Variants in CCNL2 observed in about 807,000 individuals in gnomAD.
The protein encoded by CCNL2 is cyclin L2.
A neutral mutation model predicts 59.1 loss-of-function variants in CCNL2; 28 were observed. The ratio of observed to expected loss-of-function variants is 0.47; its 90% CI spans 0.35 to 0.65. The LOEUF (loss-of-function observed/expected upper bound fraction) is 0.65. Ranked by LOEUF, CCNL2 falls within the 30% of genes least tolerant of loss-of-function variation. The pLI, the probability that CCNL2 is intolerant of heterozygous loss-of-function variation, is 0.00. For missense variants in CCNL2, 714 were observed against 717.4 expected, an observed-to-expected ratio of 1.00 and a Z score of 0.05; for synonymous variants, 342 against 288.6, an observed-to-expected ratio of 1.19 and a Z score of -1.88.
At chr1:1,388,818 G>A (rs374812307) in intron 8 of CCNL2, 56 of 381,696 alleles carry the variant, frequency 1.5e-4, no homozygotes, top group East Asian at 1.1e-3. Flanking sequence ...GCTCCCACCT[G>A]TAATCCCAGC....
At chr1:1,393,161 G>T in intron 5 of CCNL2, 1 of 589,302 alleles carries the variant, frequency 1.7e-6, no homozygotes, top group Non-Finnish European at 3.0e-6. Flanking sequence ...GCTCTCTTCA[G>T]GGTGGGGGAC....
At position 1,394,745 on chromosome 1, in the gene CCNL2, G is replaced by A. The variant is rs1420249247; in HGVS notation, c.594+649C>T. Among the ~76,000 whole-genome samples, 11 of 110,736 alleles carry A rather than the reference G, an allele frequency of 9.9e-5. No individual in the cohort carries two copies. The Admixed American group carries it at 1.1e-3, about 11-fold the overall frequency. The allele number at this position is 110,736 out of a possible 152,430, so 72.6% of individuals were successfully genotyped here. On this transcript the variant is annotated intron_variant, in intron 4 of 10. Coordinates refer to ENST00000400809, the MANE Select transcript of CCNL2 (RefSeq NM_030937.6). ...AGCCTGCATGACAGAGTAAGACTCC[G>A]TCTCAAGAAAAAAAAAAAAAAAAAA... is the stretch of plus-strand genomic sequence containing the variant.
rs145603397 is a variant in CCNL2, at chr1:1,390,327, G to A, written c.909C>T (p.His303=). 90 of 1,613,780 alleles carry A rather than the reference G, an allele frequency of 5.6e-5. No homozygotes were observed. Among genetic ancestry groups the A allele is most frequent in the Middle Eastern group, 3.3e-4 (2 of 6,084 alleles). The part of the protein sequence containing the change: ...HLEGEVEKRK[H]AIEEAKAQAR... ...CTTGGGCCTTTGCCTCTTCGATAGCGTGCTTTCTTTTTTCCACTTCACCCT... is the reference window on the plus strand; with the variant it reads ...CTTGGGCCTTTGCCTCTTCGATAGCATGCTTTCTTTTTTCCACTTCACCCT... Residue 303 remains histidine (H), a synonymous_variant, in exon 8 of 11, where the codon CAC becomes CAT. Coordinates refer to ENST00000400809, the MANE Select transcript of CCNL2 (RefSeq NM_030937.6).
At chr1:1,388,555 G>A (rs1644584768) in intron 8 of CCNL2, 2 of 393,300 alleles carry the variant, frequency 5.1e-6, no homozygotes, top group South Asian at 3.3e-5. Context: ...CCCAAAACAT[G>A]TGAGTGTGTG....
intron 8 of CCNL2, 145 bp from the exon 9 acceptor site, chr1:1,388,210 A>C: frequency 1.5e-6 from 1 of 647,292 alleles, no homozygotes; most frequent in Non-Finnish European, 2.7e-6. Flanking sequence ...GGGACCCAGA[A>C]CTTACACAGA....
At chr1:1,388,181 T>A in intron 8 of CCNL2, 116 bp from the exon 9 acceptor site, 1 of 770,810 alleles carries the variant, frequency 1.3e-6, no homozygotes, top group Non-Finnish European at 2.2e-6. Flanking sequence ...AAGCAGACTG[T>A]AACTTCCGGC....
In CCNL2 at chr1:1,387,278, G is replaced by A. The variant is rs767510815; in HGVS notation, c.1516C>T (p.Arg506Cys). The A allele has an allele frequency of 1.1e-5, 17 of 1,612,066 alleles. No homozygotes were observed. Among genetic ancestry groups the A allele is most frequent in the African/African-American group, 5.3e-5 (4 of 74,942 alleles). ...ERSRSYERTG[R>C]RYERDHPGHS... ...CCAGGGTGGTCCCGCTCATAGCGAC[G>A]GCCTGTGCGTTCATACGACCTCGAG... is the stretch of plus-strand genomic sequence containing the variant. The change falls in exon 11 of 11, where the codon CGT becomes TGT. Residue 506 changes from arginine to cysteine, a missense_variant. This residue lies in a region of CCNL2 where 403 missense variants were observed against 377.7 expected (regional missense o/e 1.07). Coordinates refer to ENST00000400809, the MANE Select transcript of CCNL2 (RefSeq NM_030937.6).
intron 3 of CCNL2, among the ~76,000 whole-genome samples, 178 bp from the exon 4 acceptor site, chr1:1,395,692 C>T (rs1278081042): frequency 6.6e-6 from 1 of 152,176 alleles, no homozygotes; most frequent in East Asian, 1.9e-4. Context: ...CAGTGCCAAC[C>T]TCCTCATCCC....
At chr1:1,392,710 C>T (rs1569947239) in intron 5 of CCNL2, 1 of 1,586,440 alleles carries the variant, frequency 6.3e-7, no homozygotes, top group South Asian at 1.1e-5. Context: ...CGGTGGAGAG[C>T]CTGCACTGGA....
intron 5 of CCNL2, 75 bp downstream of exon 5, chr1:1,393,321 C>A: frequency 1.6e-6 from 2 of 1,259,652 alleles, no homozygotes; most frequent in Non-Finnish European, 2.3e-6. Context: ...TGCCTACCCA[C>A]TGCCCAAGTG....
chr1:1,399,248 G>C lies in CCNL2; in HGVS notation c.59C>G (p.Ala20Gly). 6.3e-7 allele frequency: 1 copy of C among 1,586,978 alleles called. No homozygotes were observed. The highest frequency in any genetic ancestry group is 8.5e-7 in the Non-Finnish European group (1 of 1,169,610). The change falls in exon 1 of 11, where the codon GCC becomes GGC. Residue 20 changes from alanine to glycine, a missense_variant. By Grantham distance (60) the Ala-to-Gly change is moderately conservative. Coordinates refer to ENST00000400809, the MANE Select transcript of CCNL2 (RefSeq NM_030937.6). The stretch of plus-strand genomic sequence containing the variant: ...TGCGCCCCCAGATCCCGGGGCGCCG[G>C]CCGCTGCCGCGGGAGCTGCCGACCC... ...AAGSAAPAAA[A>G]GAPGSGGAPS...
intron 3 of CCNL2, among the ~76,000 whole-genome samples, chr1:1,397,097 G>T (rs987115152): frequency 6.6e-6 from 1 of 152,054 alleles, no homozygotes; most frequent in African/African-American, 2.4e-5. Flanking sequence ...GGTTAGGCTG[G>T]TCTCGAACTC....
chr1:1,391,545 C>G (rs1393643857), intron 5 of CCNL2: 2 of 1,305,176 alleles, frequency 1.5e-6, no homozygotes, highest in Non-Finnish European at 2.0e-6. Context: ...TCATCAGAGC[C>G]GCTGCCAACT....
At chr1:1,398,929 C>T in intron 1 of CCNL2, 90 bp downstream of exon 1, 1 of 1,459,022 alleles carries the variant, frequency 6.9e-7, no homozygotes, top group Non-Finnish European at 9.0e-7. Flanking sequence ...GGGGTCTAGG[C>T]GGGGGCGGTG....
intron 3 of CCNL2, among the ~76,000 whole-genome samples, chr1:1,397,312 G>A (rs1406283489): frequency 6.6e-6 from 1 of 151,438 alleles, no homozygotes; most frequent in Admixed American, 6.6e-5. Context: ...CGTTTTTTTT[G>A]GAAACAGGGC....
At chr1:1,388,578 TC>T (rs1320541918) in intron 8 of CCNL2, 12 of 430,740 alleles carry the variant, frequency 2.8e-5, no homozygotes, top group African/African-American at 2.5e-4. Context: ...TCTCTCTCTC[TC>T]TCTCTATATA....
chr1:1,390,380 G>A lies in CCNL2; in HGVS notation c.865-9C>T, dbSNP rs1391250334. The A allele has an allele frequency of 6.2e-7, 1 of 1,612,032 alleles. No homozygotes were observed. The highest frequency in any genetic ancestry group is 8.5e-7 in the Non-Finnish European group (1 of 1,178,362). On this transcript the variant is annotated splice_polypyrimidine_tract_variant and intron_variant, in intron 7 of 10. Coordinates refer to ENST00000400809, the MANE Select transcript of CCNL2 (RefSeq NM_030937.6). ...AGGTGTGTGAGATCAACCTGCAAAAGCCAGAAGGTGTCCGTTCAGAACCAG... is the reference window on the plus strand; with the variant it reads ...AGGTGTGTGAGATCAACCTGCAAAAACCAGAAGGTGTCCGTTCAGAACCAG...
chr1:1,391,593 T>C (rs1644765260), intron 5 of CCNL2: 4 of 1,299,398 alleles, frequency 3.1e-6, no homozygotes, highest in African/African-American at 3.0e-5. Flanking sequence ...TGAACATTCA[T>C]AGAATCAGAA....
intron 5 of CCNL2, chr1:1,391,697 C>T (rs985435744): frequency 2.3e-5 from 12 of 516,220 alleles, no homozygotes; most frequent in Non-Finnish European, 3.7e-5. Context: ...TATTTAGAAG[C>T]TATAAACATA....
Sources: allele counts gnomAD v4.1 joint callset (sites outside exome capture counted in the v4.1 genomes callset), GRCh38; gene constraint gnomAD v4.1.1; regional missense constraint gnomAD v4.1.1; transcripts MANE v1.5; gene names NCBI Gene and HGNC (gene_info 2026-07-23, HGNC 2026-07-21).